The following C3orf20 variants were observed in gnomAD, a reference collection of about 807,000 sequenced individuals.
C3orf20 encodes uncharacterized protein C3orf20.
C3orf20 carries 76 observed loss-of-function variants against 88.3 expected under a neutral mutation model. The observed-to-expected ratio is 0.86, with a 90% confidence interval of 0.72 to 1.04. The LOEUF is 1.04. C3orf20 is among the 50% of genes least tolerant of loss of function. C3orf20 has a pLI of 0.00. For missense variants in C3orf20, 1,056 were observed against 1,123.3 expected (o/e 0.94, Z 0.86); for synonymous variants, 436 against 437.4 (o/e 1.00, Z 0.04).
intron 1 of C3orf20, among the ~76,000 whole-genome samples, chr3:14,681,397 T>A (rs1183229444): frequency 1.8e-4 from 27 of 152,112 alleles, no homozygotes; most frequent in Non-Finnish European, 8.8e-5. Context: ...GGATAAAAGG[T>A]GGTCGAAGAG....
chr3:14,736,833 C>G (rs1039008622), intron 12 of C3orf20, among the ~76,000 whole-genome samples: 2 of 152,212 alleles, frequency 1.3e-5, no homozygotes, highest in African/African-American at 4.8e-5. Flanking sequence ...TCCCAAAGTG[C>G]TGAGATTACA....
At chr3:14,691,222 C>A (rs892026380) in intron 5 of C3orf20, among the ~76,000 whole-genome samples, 1 of 152,226 alleles carries the variant, frequency 6.6e-6, no homozygotes, top group African/African-American at 2.4e-5. Context: ...GCCACACCTT[C>A]CTGACTGCTC....
At chr3:14,697,281 T>G (rs2033049257) in intron 5 of C3orf20, among the ~76,000 whole-genome samples, 1 of 152,200 alleles carries the variant, frequency 6.6e-6, no homozygotes, top group Non-Finnish European at 1.5e-5. Flanking sequence ...TATCTCTTTC[T>G]CTAGCTCATC....
chr3:14,730,272 G>T (rs1421844198), intron 12 of C3orf20, among the ~76,000 whole-genome samples: 1 of 152,158 alleles, frequency 6.6e-6, no homozygotes, highest in Admixed American at 6.5e-5. Context: ...TTTAGGCCGG[G>T]TGCGGTGGCC....
intron 10 of C3orf20, among the ~76,000 whole-genome samples, chr3:14,724,173 T>C (rs983023649): frequency 2.6e-5 from 4 of 152,218 alleles, no homozygotes; most frequent in African/African-American, 9.6e-5. Context: ...GTCACCTATC[T>C]ATGTTTCTTG....
intron 10 of C3orf20, among the ~76,000 whole-genome samples, chr3:14,724,648 CATT>C (rs1314106366): frequency 2.0e-5 from 3 of 152,306 alleles, no homozygotes; most frequent in South Asian, 4.1e-4. Flanking sequence ...TAAAATTTCT[CATT>C]AATAATTGAC....
intron 7 of C3orf20, among the ~76,000 whole-genome samples, chr3:14,709,372 A>G (rs997406728): frequency 1.3e-5 from 2 of 152,018 alleles, no homozygotes; most frequent in African/African-American, 4.8e-5. Flanking sequence ...TGTTGTTGCT[A>G]TTTGCTGTGG....
At position 14,772,996 on chromosome 3, in the gene C3orf20, C is replaced by CG. The variant is rs1233521742; in HGVS notation, c.*124dup. 1.1e-5 allele frequency: 8 copies of CG among 736,942 alleles called. No individual in the cohort carries two copies. The highest frequency in any genetic ancestry group is 8.7e-5 in the Admixed American group (4 of 45,782). 45.7% of individuals were successfully genotyped at this position (736,942 alleles called of 1,614,324 possible). A position where few individuals can be genotyped will look rare whatever the true frequency, so the allele number is the denominator to read the frequency against. ...CCTCCAAGCTTCTATAATAAACCAGCGGGCCTCCAGCATTGGGGTGAGGCT... is the reference window on the plus strand; with the variant it reads ...CCTCCAAGCTTCTATAATAAACCAGCGGGGCCTCCAGCATTGGGGTGAGGCT... On this transcript the variant is annotated 3_prime_UTR_variant, in exon 17 of 17. Coordinates refer to ENST00000253697, the MANE Select transcript of C3orf20 (RefSeq NM_032137.5). This position sits in a 1 kb window ranked among gnomAD's most constrained non-coding sequence, Gnocchi z 4.2.
intron 9 of C3orf20, among the ~76,000 whole-genome samples, chr3:14,718,706 G>A (rs2124968921): frequency 6.6e-6 from 1 of 152,338 alleles, no homozygotes; most frequent in East Asian, 1.9e-4. Flanking sequence ...GTTTTAACAG[G>A]CAATGAACTT....
chr3:14,715,214 C>T (rs960138941), intron 8 of C3orf20, 75 bp from the exon 9 acceptor site: 17 of 1,554,686 alleles, frequency 1.1e-5, no homozygotes, highest in Non-Finnish European at 1.5e-5. Context: ...ACAGACCTGT[C>T]TGCCCATAAC....
chr3:14,684,416 G>T (rs199713760), intron 4 of C3orf20, 34 bp downstream of exon 4: 221 of 1,602,794 alleles, frequency 1.4e-4, no homozygotes, highest in Non-Finnish European at 1.8e-4. Flanking sequence ...TAGGTAAGAA[G>T]TGCAAACAAT....
intron 9 of C3orf20, among the ~76,000 whole-genome samples, chr3:14,719,735 C>T (rs2034079247): frequency 6.6e-6 from 1 of 152,186 alleles, no homozygotes. Context: ...TAAATGAAAG[C>T]TGTACTATGC....
chr3:14,732,757 T>A (rs561600216), intron 12 of C3orf20, among the ~76,000 whole-genome samples: 1 of 152,228 alleles, frequency 6.6e-6, no homozygotes, highest in Admixed American at 6.5e-5. Context: ...AGTGCCAAGA[T>A]TGAGAATTCC....
intron 9 of C3orf20, among the ~76,000 whole-genome samples, chr3:14,718,579 A>T (rs1397282088): frequency 6.6e-6 from 1 of 152,158 alleles, no homozygotes; most frequent in Non-Finnish European, 1.5e-5. Context: ...AAAACAGCTC[A>T]CACTTCACTG....
Position 14,759,980 on chromosome 3 carries a change from G to A in C3orf20, c.2334G>A (p.Val778=), listed in dbSNP as rs36096720. ...CCCTGATGGTGAAGAAGAACTCTGT[G>A]GTGCAGGGGATGATTCTGGTGAGCC... ...DPPLMVKKNS[V]VQGMILMFAG... is the part of the protein sequence containing the mutation. The change falls in exon 14 of 17, where the codon GTG becomes GTA. Residue 778 remains valine (V), a synonymous_variant. Coordinates refer to ENST00000253697, the MANE Select transcript of C3orf20 (RefSeq NM_032137.5). 54,250 of 1,613,728 alleles carry A rather than the reference G, an allele frequency of 0.034. 1,391 individuals are homozygous for A. The highest frequency in any genetic ancestry group is 0.15 in the East Asian group (6,564 of 44,860).
rs71038433 is a variant in C3orf20 at position 14,738,815 on chromosome 3, GT to G, written c.1940+10147del. On this transcript the variant is annotated intron_variant, in intron 12 of 16. Coordinates refer to ENST00000253697, the MANE Select transcript of C3orf20 (RefSeq NM_032137.5). ...ACCACCATGCCTGGCTAATTTTTTT[GT>G]TTTTTTTTTTTTTTTTTTTAGTAGA... Among the ~76,000 whole-genome samples the G allele has an allele frequency of 8.9e-3, 872 of 97,778 alleles. 8 individuals are homozygous for G. The highest frequency in any genetic ancestry group is 0.028 in the African/African-American group (781 of 27,936). The allele number at this position is 97,778 out of a possible 152,430, so 64.1% of individuals were successfully genotyped here. A position where few individuals can be genotyped will look rare whatever the true frequency, so the allele number is the denominator to read the frequency against.
At chr3:14,721,876 C>T (rs2034176017) in intron 10 of C3orf20, 92 bp downstream of exon 10, 17 of 1,505,202 alleles carry the variant, frequency 1.1e-5, no homozygotes, top group Non-Finnish European at 1.4e-5. Flanking sequence ...GCTCTTACTC[C>T]CCACCACCCT....
At chr3:14,707,445 T>TTGTG (rs36047273) in intron 7 of C3orf20, among the ~76,000 whole-genome samples, 4,973 of 136,346 alleles carry the variant, frequency 0.036, 105 homozygotes, top group South Asian at 0.059. Context: ...GCATCTTTTC[T>TTGTG]TGTGTGTGTG....
rs1168563124 is a variant in C3orf20 at position 14,742,770 on chromosome 3, C to T, written c.1940+14082C>T. 1.1e-4 allele frequency among the ~76,000 whole-genome samples: 16 copies of T among 152,182 alleles called. No individual in the cohort carries two copies. The East Asian group carries it at 2.1e-3, about 20-fold the overall frequency. Reference sequence around the variant, plus strand: ...GAGGCCTCAGAATCATGGTGGGAGGCTAAAGGCTCTTCTTATGTGGTGGTG... The same window carrying T: ...GAGGCCTCAGAATCATGGTGGGAGGTTAAAGGCTCTTCTTATGTGGTGGTG... On this transcript the variant is annotated intron_variant, in intron 12 of 16. Transcript: ENST00000253697.
Sources: gnomAD v4.1 joint callset for allele counts (sites outside exome capture counted in the v4.1 genomes callset) on GRCh38, gnomAD v4.1.1 for gene constraint, Gnocchi (gnomAD v3.1) non-coding constraint, MANE v1.5 for transcripts, NCBI Gene and HGNC (gene_info 2026-07-23, HGNC 2026-07-21) for gene names.